UGCG: variants seen among roughly 807,000 people sequenced by gnomAD.
The protein encoded by UGCG is UDP-glucose ceramide glucosyltransferase, also known as ceramide glucosyltransferase.
UGCG carries 10 observed loss-of-function variants against 49.5 expected under a neutral mutation model. The observed-to-expected ratio is 0.20, with a 90% confidence interval of 0.12 to 0.34. The LOEUF is 0.34. Among genes scored for constraint, UGCG ranks in the 10% least tolerant of loss-of-function variants. The pLI is 1.00. For missense variants in UGCG, 312 were observed against 483.7 expected (o/e 0.65, Z 3.33); for synonymous variants, 182 against 158.2 (o/e 1.15, Z -1.13).
intron 1 of UGCG, among the ~76,000 whole-genome samples, chr9:111,908,822 A>G (rs1367959229): frequency 6.6e-6 from 1 of 152,236 alleles, no homozygotes; most frequent in Non-Finnish European, 1.5e-5. Flanking sequence ...AACTAGTTAG[A>G]AACCAGTAAA....
At chr9:111,909,528 G>A (rs1837955949) in intron 1 of UGCG, among the ~76,000 whole-genome samples, 1 of 152,180 alleles carries the variant, frequency 6.6e-6, no homozygotes, top group East Asian at 1.9e-4. Context: ...GAGCTTCTGG[G>A]CATGTGCAAC....
In UGCG at chr9:111,926,406, C is replaced by T. The variant is rs2118585926; in HGVS notation, c.468C>T (p.Asp156=). The T allele has an allele frequency of 1.2e-6, 2 of 1,610,182 alleles. No individual in the cohort carries two copies. The highest frequency in any genetic ancestry group is 8.5e-7 in the Non-Finnish European group (1 of 1,177,584). Residue 156 remains aspartate, a synonymous_variant, in exon 5 of 9, where the codon GAC becomes GAT. Coordinates refer to ENST00000374279, the MANE Select transcript of UGCG (RefSeq NM_003358.3). ...TAGTAATTCCAGATACGCTTACTGA[C>T]ATGGTGAATCAAATGACAGAAAAAG... The part of the protein sequence containing the change: ...GIRVIPDTLT[D]MVNQMTEKVG...
chr9:111,901,101 C>G (rs77824574), intron 1 of UGCG, among the ~76,000 whole-genome samples: 18,087 of 152,162 alleles, frequency 0.12, 1,236 homozygotes, highest in Non-Finnish European at 0.15. Context: ...CGGGCGTGAG[C>G]CACTGCGCCC....
rs1481301950 is a variant in UGCG, at chr9:111,934,609, A to G, written c.*1612A>G. 1 of 152,196 alleles carries G rather than the reference A, an allele frequency of 6.6e-6. No homozygotes were observed. The allele number at this position is 152,196 out of a possible 1,614,324, so 9.4% of individuals were successfully genotyped here. A position where few individuals can be genotyped will look rare whatever the true frequency, so the allele number is the denominator to read the frequency against. On this transcript the variant is annotated 3_prime_UTR_variant, in exon 9 of 9. Transcript: ENST00000374279. ...CTTTTTCACTTTACTGAGCCAATTC[A>G]TTTAATTGTCAAATGTCTATATCCA...
intron 1 of UGCG, among the ~76,000 whole-genome samples, chr9:111,905,262 G>A (rs904854424): frequency 3.0e-4 from 46 of 152,248 alleles, no homozygotes; most frequent in African/African-American, 1.0e-3. Flanking sequence ...CTCAGAGATA[G>A]CAGCAAGTAC....
chr9:111,923,363 G>GT (rs34690862), intron 3 of UGCG, among the ~76,000 whole-genome samples: 126 of 146,302 alleles, frequency 8.6e-4, no homozygotes, highest in African/African-American at 1.0e-3. Flanking sequence ...TGCCATTAGT[G>GT]TTTTTTTTTT....
intron 2 of UGCG, chr9:111,915,701 A>C: frequency 1.4e-4 from 104 of 721,628 alleles, no homozygotes; most frequent in Non-Finnish European, 1.6e-4. Flanking sequence ...GGAAGATGAT[A>C]TGCGCACTAC....
chr9:111,929,757 T>G (rs947647351), intron 6 of UGCG, 79 bp downstream of exon 6: 20 of 1,492,888 alleles, frequency 1.3e-5, no homozygotes, highest in Admixed American at 2.3e-5. Context: ...ACCTATAGAT[T>G]AGGGCTTTTT....
At chr9:111,897,925 A>G (rs1837695391) in intron 1 of UGCG, among the ~76,000 whole-genome samples, 1 of 149,184 alleles carries the variant, frequency 6.7e-6, no homozygotes, top group Non-Finnish European at 1.5e-5. Context: ...TTATTGTTTT[A>G]TGTAGATTTG....
At chr9:111,899,339 A>T (rs1837725578) in intron 1 of UGCG, among the ~76,000 whole-genome samples, 1 of 152,230 alleles carries the variant, frequency 6.6e-6, no homozygotes, top group African/African-American at 2.4e-5. Context: ...CCTTACAAAC[A>T]CTAAGTAGCA....
In UGCG at chr9:111,933,092, T is replaced by C; in HGVS notation, c.*95T>C. 1 of 1,173,548 alleles carries C rather than the reference T, an allele frequency of 8.5e-7. No homozygotes were observed. Among genetic ancestry groups the C allele is most frequent in the Non-Finnish European group, 1.1e-6 (1 of 916,174 alleles). 72.7% of individuals were successfully genotyped at this position (1,173,548 alleles called of 1,614,324 possible). A position where few individuals can be genotyped will look rare whatever the true frequency, so the allele number is the denominator to read the frequency against. On this transcript the variant is annotated 3_prime_UTR_variant, in exon 9 of 9. Coordinates refer to ENST00000374279, the MANE Select transcript of UGCG (RefSeq NM_003358.3). ...TAAAAATCTACCTTCTGTAGTTTTA[T>C]CACATGTATGTTTTGGTATCTGTTC...
chr9:111,902,814 G>C (rs149067246), intron 1 of UGCG, among the ~76,000 whole-genome samples: 1,521 of 150,188 alleles, frequency 0.01, 24 homozygotes, highest in African/African-American at 0.036. Flanking sequence ...GTCTCATTCT[G>C]TTGCCCAGGC....
intron 2 of UGCG, among the ~76,000 whole-genome samples, chr9:111,920,091 T>G (rs1342732599): frequency 1.3e-5 from 2 of 152,094 alleles, no homozygotes; most frequent in Non-Finnish European, 2.9e-5. Flanking sequence ...TTTTCAGATT[T>G]TTATCTGGTC....
intron 6 of UGCG, among the ~76,000 whole-genome samples, chr9:111,931,011 C>T (rs1262689624): frequency 6.6e-6 from 1 of 151,804 alleles, no homozygotes; most frequent in Non-Finnish European, 1.5e-5. Flanking sequence ...TTCAAAATGA[C>T]TGCATTTTAA....
chr9:111,899,045 TA>T (rs1837718616), intron 1 of UGCG, among the ~76,000 whole-genome samples: 2 of 152,256 alleles, frequency 1.3e-5, no homozygotes, highest in Non-Finnish European at 2.9e-5. Context: ...GTATGATCTC[TA>T]CATCATTTGT....
chr9:111,931,226 TG>T, intron 6 of UGCG, 44 bp from the exon 7 acceptor site: 1 of 1,571,184 alleles, frequency 6.4e-7, no homozygotes, highest in Non-Finnish European at 8.7e-7. Flanking sequence ...TACGCTTGCA[TG>T]TGTTCATCAT....
chr9:111,921,973 A>G (rs1367898640), intron 2 of UGCG, among the ~76,000 whole-genome samples: 9 of 151,452 alleles, frequency 5.9e-5, no homozygotes, highest in Admixed American at 5.9e-4. Flanking sequence ...CACCATGCCC[A>G]GCTAATTTTA....
intron 1 of UGCG, among the ~76,000 whole-genome samples, chr9:111,910,706 C>A (rs1837980426): frequency 1.3e-5 from 2 of 152,106 alleles, no homozygotes; most frequent in African/African-American, 4.8e-5. Flanking sequence ...TGGCCCAAAC[C>A]CACGTGGTGA....
chr9:111,900,084 T>C (rs1837738734), intron 1 of UGCG, among the ~76,000 whole-genome samples: 2 of 151,684 alleles, frequency 1.3e-5, no homozygotes, highest in Non-Finnish European at 2.9e-5. Flanking sequence ...AACTAAAGAG[T>C]ATAGCCTTGG....
Sources: allele counts gnomAD v4.1 joint callset (sites outside exome capture counted in the v4.1 genomes callset), GRCh38; gene constraint gnomAD v4.1.1; transcripts MANE v1.5; gene names NCBI Gene and HGNC (gene_info 2026-07-23, HGNC 2026-07-21).